ULK4: variants seen among roughly 807,000 people sequenced by gnomAD.
The protein encoded by ULK4 is inactive serine/threonine-protein kinase ULK4.
A neutral mutation model predicts 160.6 loss-of-function variants in ULK4; 133 were observed. That is an observed-to-expected ratio of 0.83 (90% CI 0.72 to 0.96). The LOEUF is 0.96. Ranked by LOEUF, ULK4 falls within the 40% of genes least tolerant of loss-of-function variation. The pLI, the probability that ULK4 is intolerant of heterozygous loss-of-function variation, is 0.00. For missense variants in ULK4, 1,580 were observed against 1,499.5 expected (o/e 1.05, Z -0.89); for synonymous variants, 534 against 539.8 (o/e 0.99, Z 0.15).
rs555052446 is a variant in ULK4, at chr3:41,414,201, CA to C, written c.3493-15938del. ...GGGCAACAAGAGCGAAATTCCATCT[CA>C]AAAACAAACAAACAAACAAACAAAC... On this transcript the variant is annotated intron_variant, in intron 34 of 36. Coordinates refer to ENST00000301831, the MANE Select transcript of ULK4 (RefSeq NM_017886.4). Among the ~76,000 whole-genome samples, 276 of 152,240 alleles carry C rather than the reference CA, an allele frequency of 1.8e-3. 1 individual carries two copies. The highest frequency in any genetic ancestry group is 0.01 in the Middle Eastern group (3 of 294).
intron 31 of ULK4, among the ~76,000 whole-genome samples, chr3:41,581,066 T>A (rs1052428118): frequency 6.6e-6 from 1 of 151,988 alleles, no homozygotes; most frequent in Non-Finnish European, 1.5e-5. Flanking sequence ...AAGACTGGCA[T>A]CCCCCATTCA....
chr3:41,931,946 C>A lies in ULK4; in HGVS notation c.439G>T (p.Gly147Cys), dbSNP rs770609682. The A allele has an allele frequency of 2.5e-5, 40 of 1,614,080 alleles. No individual in the cohort carries two copies. Among genetic ancestry groups the A allele is most frequent in the South Asian group, 1.9e-4 (17 of 91,078 alleles). ...FSNFCLAKVE[G>C]ENLEEFFALV... ...GCAAAGAACTCTTCCAAATTTTCAC[C>A]TTCCACTTTTGCCAAGCAAAAGTTG... is the stretch of plus-strand genomic sequence containing the variant. Residue 147 changes from glycine to cysteine, a missense_variant, in exon 5 of 37, where the codon GGT becomes TGT. Transcript: ENST00000301831.
intron 35 of ULK4, among the ~76,000 whole-genome samples, chr3:41,326,823 A>T (rs1170015876): frequency 6.6e-6 from 1 of 152,214 alleles, no homozygotes; most frequent in African/African-American, 2.4e-5. Flanking sequence ...GACACAGAAG[A>T]CAGGGACATC....
chr3:41,584,092 A>G (rs1430575146), intron 31 of ULK4, among the ~76,000 whole-genome samples: 1 of 152,194 alleles, frequency 6.6e-6, no homozygotes, highest in Admixed American at 6.5e-5. Context: ...TAGAAACTGG[A>G]GGACTTAATG....
intron 29 of ULK4, among the ~76,000 whole-genome samples, chr3:41,678,776 C>T (rs2035822338): frequency 6.6e-6 from 1 of 152,130 alleles, no homozygotes; most frequent in Non-Finnish European, 1.5e-5. Flanking sequence ...TGTTTAAGGT[C>T]AAGGGAAGGC....
chr3:41,294,401 T>C (rs2079629892), intron 35 of ULK4, among the ~76,000 whole-genome samples: 1 of 152,202 alleles, frequency 6.6e-6, no homozygotes, highest in African/African-American at 2.4e-5. Flanking sequence ...CTTTTCCTTA[T>C]AAATTACCTA....
intron 30 of ULK4, among the ~76,000 whole-genome samples, chr3:41,646,343 TC>T (rs1318556999): frequency 6.6e-6 from 1 of 152,238 alleles, no homozygotes; most frequent in Non-Finnish European, 1.5e-5. Flanking sequence ...GTTGTTCCTT[TC>T]CATGTTTAGT....
In ULK4 at chr3:41,555,430, A is replaced by G. The variant is rs923830455; in HGVS notation, c.3226+10595T>C. The stretch of plus-strand genomic sequence containing the variant: ...CCAACAAACATGAAAAATGCTTAAC[A>G]TCACTGATCATCAGAGAAATGCAAA... On this transcript the variant is annotated intron_variant, in intron 32 of 36. Transcript: ENST00000301831. Among the ~76,000 whole-genome samples, 11 of 152,204 alleles carry G rather than the reference A, an allele frequency of 7.2e-5. 1 individual carries two copies. Among genetic ancestry groups the G allele is most frequent in the Non-Finnish European group, 1.3e-4 (9 of 68,036 alleles).
At chr3:41,601,796 G>A (rs1227308497) in intron 31 of ULK4, among the ~76,000 whole-genome samples, 1 of 152,214 alleles carries the variant, frequency 6.6e-6, no homozygotes, top group Non-Finnish European at 1.5e-5. Flanking sequence ...AGGAAAGTCT[G>A]AGGAACTACC....
intron 30 of ULK4, among the ~76,000 whole-genome samples, chr3:41,660,282 G>A (rs1254445044): frequency 6.6e-6 from 1 of 150,978 alleles, no homozygotes; most frequent in Non-Finnish European, 1.5e-5. Flanking sequence ...GGCAACAAGA[G>A]TGAAACTCCG....
intron 17 of ULK4, among the ~76,000 whole-genome samples, chr3:41,871,435 T>C (rs1697088431): frequency 6.6e-6 from 1 of 152,236 alleles, no homozygotes; most frequent in Admixed American, 6.5e-5. Context: ...GTTTACCAAA[T>C]GGCCAAAATG....
chr3:41,828,422 CCTT>C lies in ULK4; in HGVS notation c.1764+7439_1764+7441del, dbSNP rs1029793343. Among the ~76,000 whole-genome samples the C allele has an allele frequency of 1.4e-3, 215 of 148,478 alleles. 1 individual carries two copies. The highest frequency in any genetic ancestry group is 5.2e-3 in the African/African-American group (203 of 39,392). ...ACCCCATTGTCTCAGCCCAAAATCT[CCTT>C]AAGCTGATAAGCAACTTCAGCAAAG... On this transcript the variant is annotated intron_variant, in intron 18 of 36. Coordinates refer to ENST00000301831, the MANE Select transcript of ULK4 (RefSeq NM_017886.4).
At chr3:41,858,234 C>T (rs2042415873) in intron 17 of ULK4, among the ~76,000 whole-genome samples, 1 of 149,034 alleles carries the variant, frequency 6.7e-6, no homozygotes, top group South Asian at 2.1e-4. Context: ...TACTGCAAGC[C>T]TCCACCACCC....
intron 32 of ULK4, among the ~76,000 whole-genome samples, chr3:41,490,021 G>A (rs1261307396): frequency 6.6e-6 from 1 of 152,114 alleles, no homozygotes; most frequent in Non-Finnish European, 1.5e-5. Flanking sequence ...AACCTTGGTG[G>A]CAATGCTATC....
chr3:41,842,652 C>A (rs373575475), intron 17 of ULK4, among the ~76,000 whole-genome samples: 1 of 152,346 alleles, frequency 6.6e-6, no homozygotes, highest in African/African-American at 2.4e-5. Context: ...CACCTTCTGC[C>A]ATGAGTGGAA....
chr3:41,711,348 TA>T (rs1385919026), intron 25 of ULK4, among the ~76,000 whole-genome samples: 1 of 152,022 alleles, frequency 6.6e-6, no homozygotes, highest in Non-Finnish European at 1.5e-5. Context: ...GTCTGCTGGC[TA>T]GGGGGTGTGA....
chr3:41,641,936 C>A (rs1294748725), intron 30 of ULK4, among the ~76,000 whole-genome samples: 1 of 147,346 alleles, frequency 6.8e-6, no homozygotes, highest in African/African-American at 2.5e-5. Flanking sequence ...AGTGCAATGG[C>A]GTGATCTCGG....
chr3:41,569,413 A>G (rs894105190), intron 31 of ULK4, among the ~76,000 whole-genome samples: 1 of 152,202 alleles, frequency 6.6e-6, no homozygotes, highest in Non-Finnish European at 1.5e-5. Flanking sequence ...ACCTGAAGAC[A>G]GAGTTTCTGA....
rs561137669 is a variant in ULK4, at chr3:41,544,210, G to A, written c.3226+21815C>T. 2.0e-5 allele frequency among the ~76,000 whole-genome samples: 3 copies of A among 151,972 alleles called. No homozygotes were observed. The East Asian group carries it at 5.8e-4, about 29-fold the overall frequency. On this transcript the variant is annotated intron_variant, in intron 32 of 36. Coordinates refer to ENST00000301831, the MANE Select transcript of ULK4 (RefSeq NM_017886.4). ...TGTTATTGCTATTTTATTGTTGTTT[G>A]TTCAGTGACACTTTTGTGCTAATAT...
Sources: gnomAD v4.1 joint callset for allele counts (sites outside exome capture counted in the v4.1 genomes callset) on GRCh38, gnomAD v4.1.1 for gene constraint, MANE v1.5 for transcripts, NCBI Gene and HGNC (gene_info 2026-07-23, HGNC 2026-07-21) for gene names.